The following THY1 variants were observed in gnomAD, a reference collection of about 807,000 sequenced individuals.
THY1 encodes Thy-1 cell surface antigen, also known as thy-1 membrane glycoprotein.
In THY1, 10 loss-of-function variants were observed where a neutral mutation model predicts 14.9. The ratio of observed to expected loss-of-function variants is 0.67; its 90% CI spans 0.41 to 1.14. The LOEUF (loss-of-function observed/expected upper bound fraction) is 1.14. Ranked by LOEUF, THY1 falls within the 50% of genes most tolerant of loss-of-function variation. THY1 has a pLI of 0.00. For synonymous variants in THY1, 80 were observed against 90.0 expected (o/e 0.89, Z 0.63); for missense variants, 159 against 202.1 (o/e 0.79, Z 1.29).
chr11:119,423,209 G>A (rs1370851580), upstream of THY1: 2 of 453,924 alleles, frequency 4.4e-6, no homozygotes, highest in African/African-American at 2.0e-5. Context: ...CACCGGGGAT[G>A]GAGGAGAGGG....
At position 119,419,274 on chromosome 11, in the gene THY1, C is replaced by T. The variant is rs111339732; in HGVS notation, c.*134G>A. On this transcript the variant is annotated 3_prime_UTR_variant, in exon 4 of 4. Transcript: ENST00000284240. Reference sequence around the variant, plus strand: ...TAGATAATCGCATGCAGCACTGGAACTCCTGATGAGGGGTGGGGTCCCCAC... The same window carrying T: ...TAGATAATCGCATGCAGCACTGGAATTCCTGATGAGGGGTGGGGTCCCCAC... 9.8e-4 allele frequency: 770 copies of T among 784,034 alleles called. 1 individual carries two copies. Among genetic ancestry groups the T allele is most frequent in the Non-Finnish European group, 1.4e-3 (606 of 447,900 alleles). The allele number at this position is 784,034 out of a possible 1,614,324, so 48.6% of individuals were successfully genotyped here.
upstream of THY1, chr11:119,423,919 A>C (rs1211385361): frequency 6.6e-6 from 1 of 152,400 alleles, no homozygotes; most frequent in African/African-American, 2.4e-5. Flanking sequence ...TGGTCTTCAG[A>C]CCAGGAAGGG....
chr11:119,416,966 G>T lies in THY1; in HGVS notation c.*2442C>A, dbSNP rs539848910. On this transcript the variant is annotated 3_prime_UTR_variant, in exon 4 of 4. Transcript: ENST00000284240. ...GGCTGCTAAACTCTTCAGGGACATA[G>T]TACTAGAGTGTGACAAAGACCCCAT... is the stretch of plus-strand genomic sequence containing the variant. Among the ~76,000 whole-genome samples the T allele has an allele frequency of 6.6e-6, 1 of 152,340 alleles. No individual in the cohort carries two copies. The highest frequency in any genetic ancestry group is 2.4e-5 in the African/African-American group (1 of 41,574).
upstream of THY1, chr11:119,423,392 C>A: frequency 2.8e-6 from 1 of 357,452 alleles, no homozygotes; most frequent in Non-Finnish European, 5.5e-6. Flanking sequence ...TGGCCAGGGA[C>A]GGGAGGGTTC....
chr11:119,420,420 G>A (rs1216495367), intron 2 of THY1, 34 bp from the exon 3 acceptor site: 2 of 1,561,860 alleles, frequency 1.3e-6, no homozygotes, highest in Non-Finnish European at 1.7e-6. Flanking sequence ...AAACTGGAGG[G>A]GCCTGCGGCA....
rs763753905 is a variant in THY1 at position 119,416,770 on chromosome 11, C to T, written c.*2638G>A. 3.3e-5 allele frequency among the ~76,000 whole-genome samples: 5 copies of T among 152,196 alleles called. No homozygotes were observed. The highest frequency in any genetic ancestry group is 5.9e-5 in the Non-Finnish European group (4 of 68,044). ...CTGTGCCCATCTCTGGGTAGGTTTG[C>T]GTTGTGAGGCCTGATGCCCTGTTCT... On this transcript the variant is annotated 3_prime_UTR_variant, in exon 4 of 4. Coordinates refer to ENST00000284240, the MANE Select transcript of THY1 (RefSeq NM_006288.5).
upstream of THY1, chr11:119,423,571 C>G: frequency 4.8e-6 from 1 of 210,382 alleles, no homozygotes; most frequent in Non-Finnish European, 9.6e-6. Context: ...CGGGAGCGCC[C>G]ACGCCTCCAC....
At chr11:119,420,974 T>TAA in intron 1 of THY1, 45 bp from the exon 2 acceptor site, 1 of 1,601,520 alleles carries the variant, frequency 6.2e-7, no homozygotes, top group Non-Finnish European at 8.6e-7. Context: ...GTGCCACACT[T>TAA]ACCACCAGGG....
intron 1 of THY1, 101 bp from the exon 2 acceptor site, chr11:119,421,030 A>G: frequency 9.5e-7 from 1 of 1,051,228 alleles, no homozygotes; most frequent in African/African-American, 1.6e-5. Context: ...GCAGTCATCT[A>G]AGTCCCTCTC....
At position 119,422,898 on chromosome 11, in the gene THY1, G is replaced by A. The variant is rs926423529; in HGVS notation, c.-25+215C>T. On this transcript the variant is annotated intron_variant, in intron 1 of 3. Coordinates refer to ENST00000284240, the MANE Select transcript of THY1 (RefSeq NM_006288.5). The surrounding 1 kb of genome is among the most constrained non-coding windows in gnomAD (Gnocchi z 7.0). ...CCCCAGCGGGCGAAAGCCCGGGAGC[G>A]CCTTCCCCGAAAGACATCAGGGTGC... Among the ~76,000 whole-genome samples, 2 of 152,200 alleles carry A rather than the reference G, an allele frequency of 1.3e-5. No individual in the cohort carries two copies. Among genetic ancestry groups the A allele is most frequent in the Admixed American group, 6.5e-5 (1 of 15,284 alleles).
Position 119,416,496 on chromosome 11 carries a change from A to T in THY1, c.*2912T>A, listed in dbSNP as rs1711747997. Among the ~76,000 whole-genome samples, 1 of 151,980 alleles carries T rather than the reference A, an allele frequency of 6.6e-6. No individual in the cohort carries two copies. The highest frequency in any genetic ancestry group is 2.1e-4 in the South Asian group (1 of 4,818). ...TTATTTTATTTTTTATTTTTTTGAG[A>T]TGGAGTCTCACTCTATCTCCCAGGC... On this transcript the variant is annotated 3_prime_UTR_variant, in exon 4 of 4. Coordinates refer to ENST00000284240, the MANE Select transcript of THY1 (RefSeq NM_006288.5).
chr11:119,424,170 G>C, upstream of THY1: 1 of 152,456 alleles, frequency 6.6e-6, no homozygotes, highest in Non-Finnish European at 1.5e-5. Flanking sequence ...GGAGGAGACA[G>C]CACAAAAAGG....
Position 119,420,055 on chromosome 11 carries a change from G to A in THY1, c.369C>T (p.Leu123=), listed in dbSNP as rs1861865082. 1 of 1,611,426 alleles carries A rather than the reference G, an allele frequency of 6.2e-7. No homozygotes were observed. The highest frequency in any genetic ancestry group is 8.5e-7 in the Non-Finnish European group (1 of 1,178,714). Residue 123 remains leucine, a synonymous_variant, in exon 3 of 4, where the codon CTC becomes CTT. Transcript: ENST00000284240. Reference sequence around the variant, plus strand: ...CTTGTTAGGGGCTTGTCTCACCTCTGAGCACTGTGACGTTCTGGGAGGAGA... The same window carrying A: ...CTTGTTAGGGGCTTGTCTCACCTCTAAGCACTGTGACGTTCTGGGAGGAGA... The part of the protein sequence containing the change: ...PPISSQNVTV[L]RDKLVKCEGI...
At chr11:119,423,416 T>C (rs1219818907), upstream of THY1, 2 of 354,972 alleles carry the variant, frequency 5.6e-6, no homozygotes, top group Non-Finnish European at 1.1e-5. Flanking sequence ...ACCCCGGGGA[T>C]CAGGGTGCGG....
chr11:119,419,345 CAG>C lies in THY1; in HGVS notation c.*61_*62del. ...ATTGGGGGGAGGGGGTCAGCTGACT[CAG>C]AGAAGTAGGATCTCTGCACTGGAAC... On this transcript the variant is annotated 3_prime_UTR_variant, in exon 4 of 4. Coordinates refer to ENST00000284240, the MANE Select transcript of THY1 (RefSeq NM_006288.5). 6.8e-7 allele frequency: 1 copy of C among 1,465,328 alleles called. No individual in the cohort carries two copies. The highest frequency in any genetic ancestry group is 1.4e-5 in the African/African-American group (1 of 71,936). 90.8% of individuals were successfully genotyped at this position (1,465,328 alleles called of 1,614,324 possible). A position where few individuals can be genotyped will look rare whatever the true frequency, so the allele number is the denominator to read the frequency against.
intron 3 of THY1, 24 bp from the exon 4 acceptor site, chr11:119,419,544 G>A: frequency 3.8e-6 from 6 of 1,595,066 alleles, no homozygotes; most frequent in Non-Finnish European, 5.2e-6. Context: ...AGGGGGCCGG[G>A]GGCAGGGTAG....
chr11:119,416,359 C>A lies in THY1; in HGVS notation c.*3049G>T, dbSNP rs912705262. ...ATTACCTGAGTCACCACAGATACCC[C>A]ACAGCCTCCACAAGGCCTGCTGACT... On this transcript the variant is annotated 3_prime_UTR_variant, in exon 4 of 4. Transcript: ENST00000284240. Among the ~76,000 whole-genome samples, 1 of 152,218 alleles carries A rather than the reference C, an allele frequency of 6.6e-6. No homozygotes were observed. Among genetic ancestry groups the A allele is most frequent in the Non-Finnish European group, 1.5e-5 (1 of 68,036 alleles).
At position 119,420,288 on chromosome 11, in the gene THY1, A is replaced by C; in HGVS notation, c.136T>G (p.Ser46Ala). The change falls in exon 3 of 4, where the codon TCA becomes GCA. Residue 46 changes from serine to alanine, a missense_variant. Transcript: ENST00000284240. ...AGGCTGAACTCGTACTGGATGGGTG[A>C]ACTGCTGGTATTCTCATGGCGGCAG... is the stretch of plus-strand genomic sequence containing the variant. ...LDCRHENTSSSPIQYEFSLTR... is the reference protein window; with the variant it reads ...LDCRHENTSSAPIQYEFSLTR... The C allele has an allele frequency of 6.2e-7, 1 of 1,614,238 alleles. No individual in the cohort carries two copies. Among genetic ancestry groups the C allele is most frequent in the Non-Finnish European group, 8.5e-7 (1 of 1,180,042 alleles).
Position 119,419,495 on chromosome 11 carries a change from G to A in THY1, c.399C>T (p.Ile133=), listed in dbSNP as rs771753107. Residue 133 remains isoleucine, a synonymous_variant, in exon 4 of 4, where the codon ATC becomes ATT. Transcript: ENST00000284240. ...ACGAGGTGTTCTGAGCCAGCAGGCT[G>A]ATGCCCTCACACTTGACCAGTTTGT... The part of the protein sequence containing the change: ...LRDKLVKCEG[I]SLLAQNTSWL... 9 of 1,613,352 alleles carry A rather than the reference G, an allele frequency of 5.6e-6. No individual in the cohort carries two copies. Among genetic ancestry groups the A allele is most frequent in the Non-Finnish European group, 7.6e-6 (9 of 1,180,026 alleles).
Sources: gnomAD v4.1 joint callset for allele counts (sites outside exome capture counted in the v4.1 genomes callset) on GRCh38, gnomAD v4.1.1 for gene constraint, Gnocchi (gnomAD v3.1) non-coding constraint, MANE v1.5 for transcripts, NCBI Gene and HGNC (gene_info 2026-07-23, HGNC 2026-07-21) for gene names.